TULP4: variants seen among roughly 807,000 people sequenced by gnomAD.
The protein encoded by TULP4 is tubby-related protein 4.
In TULP4, 16 loss-of-function variants were observed where a neutral mutation model predicts 129.0. The ratio of observed to expected loss-of-function variants is 0.12; its 90% CI spans 0.08 to 0.19. TULP4 has a LOEUF of 0.19. TULP4 is among the 10% of genes least tolerant of loss of function. TULP4 has a pLI of 1.00. For missense variants in TULP4, 1,842 were observed against 2,059.1 expected (o/e 0.89, Z 2.04); for synonymous variants, 998 against 854.0 (o/e 1.17, Z -2.94).
At chr6:158,478,922 C>G (rs1779877120) in intron 6 of TULP4, among the ~76,000 whole-genome samples, 1 of 152,140 alleles carries the variant, frequency 6.6e-6, no homozygotes, top group African/African-American at 2.4e-5. Context: ...TCCTCAATCG[C>G]CTTTCCAGGG....
rs898441723 is a variant in TULP4, at chr6:158,508,660, G to T, written c.*1966G>T. The T allele has an allele frequency of 1.3e-5, 2 of 152,540 alleles. No homozygotes were observed. Among genetic ancestry groups the T allele is most frequent in the African/African-American group, 2.4e-5 (1 of 41,400 alleles). The allele number at this position is 152,540 out of a possible 1,614,324, so 9.4% of individuals were successfully genotyped here. A position where few individuals can be genotyped will look rare whatever the true frequency, so the allele number is the denominator to read the frequency against. ...AGTGCTTATTGGTTGTGCAATAATGGTTATAGCCTGTTAGATAATCTAAAT... is the reference window on the plus strand; with the variant it reads ...AGTGCTTATTGGTTGTGCAATAATGTTTATAGCCTGTTAGATAATCTAAAT... On this transcript the variant is annotated 3_prime_UTR_variant, in exon 14 of 14. Transcript: ENST00000367097.
chr6:158,265,869 T>C (rs9348216), intron 1 of TULP4, among the ~76,000 whole-genome samples: 49,975 of 152,072 alleles, frequency 0.33, 9,205 homozygotes, highest in Admixed American at 0.45. Context: ...ATAAAACTTT[T>C]GTATTTCACT....
chr6:158,273,019 GT>G (rs1778577358), intron 1 of TULP4, among the ~76,000 whole-genome samples: 1 of 152,188 alleles, frequency 6.6e-6, no homozygotes, highest in South Asian at 2.1e-4. Flanking sequence ...GAAGGCCCTT[GT>G]TGAGGGACCT....
At chr6:158,478,704 A>G (rs557031699) in intron 6 of TULP4, among the ~76,000 whole-genome samples, 73 of 152,318 alleles carry the variant, frequency 4.8e-4, no homozygotes, top group Admixed American at 2.0e-3. Flanking sequence ...TCAGCGCTCC[A>G]TCTGTCTGGA....
At chr6:158,311,667 G>T (rs1017230900), upstream of TULP4, among the ~76,000 whole-genome samples, 1 of 152,166 alleles carries the variant, frequency 6.6e-6, no homozygotes, top group African/African-American at 2.4e-5. Flanking sequence ...AGTCATTTCA[G>T]TCTCCTTTTT....
chr6:158,409,204 T>G (rs1399526450), intron 1 of TULP4, among the ~76,000 whole-genome samples: 1 of 152,238 alleles, frequency 6.6e-6, no homozygotes, highest in African/African-American at 2.4e-5. Flanking sequence ...AATGTAGGCT[T>G]TCTGCAGTTC....
intron 1 of TULP4, among the ~76,000 whole-genome samples, chr6:158,236,629 G>C (rs564788826): frequency 5.5e-4 from 84 of 151,974 alleles, no homozygotes; most frequent in African/African-American, 1.9e-3. Context: ...AGTGGAACTT[G>C]AACAGAAAGA....
chr6:158,434,478 G>GC (rs1220344961), intron 3 of TULP4, among the ~76,000 whole-genome samples: 1 of 152,178 alleles, frequency 6.6e-6, no homozygotes, highest in Non-Finnish European at 1.5e-5. Flanking sequence ...GAGTAATGCT[G>GC]CAACAGTGAA....
At chr6:158,479,316 C>T (rs1779886636) in intron 6 of TULP4, among the ~76,000 whole-genome samples, 1 of 152,216 alleles carries the variant, frequency 6.6e-6, no homozygotes. Context: ...CTACCCAGAG[C>T]TCAGTTGGGT....
At chr6:158,421,449 A>G (rs144889032) in intron 2 of TULP4, among the ~76,000 whole-genome samples, 2 of 152,250 alleles carry the variant, frequency 1.3e-5, no homozygotes, top group African/African-American at 2.4e-5. Flanking sequence ...TGGTGAATTT[A>G]AATATTTTCT....
At chr6:158,362,055 A>G (rs765777179) in intron 1 of TULP4, among the ~76,000 whole-genome samples, 27 of 152,270 alleles carry the variant, frequency 1.8e-4, no homozygotes, top group Non-Finnish European at 3.4e-4. Flanking sequence ...CTTTTATTGG[A>G]TTCTACACAG....
chr6:158,506,545 TTTAA>T lies in TULP4; in HGVS notation c.4516-31_4516-28del. The T allele has an allele frequency of 4.1e-6, 6 of 1,456,842 alleles. No homozygotes were observed. The South Asian group carries it at 6.8e-5, about 17-fold the overall frequency. The allele number at this position is 1,456,842 out of a possible 1,614,324, so 90.2% of individuals were successfully genotyped here. ...TGCGCCTGGCCTTTTCACCTTATTC[TTTAA>T]TGTCTTTGCTTCCCCTGCCCTCCTC... is the stretch of plus-strand genomic sequence containing the variant. On this transcript the variant is annotated intron_variant, in intron 13 of 13. Coordinates refer to ENST00000367097, the MANE Select transcript of TULP4 (RefSeq NM_020245.5).
chr6:158,505,784 CTT>C, intron 13 of TULP4, among the ~76,000 whole-genome samples: 1 of 152,288 alleles, frequency 6.6e-6, no homozygotes, highest in South Asian at 2.1e-4. Flanking sequence ...GTTTGTGTTT[CTT>C]TCTGCTTTTC....
intron 1 of TULP4, among the ~76,000 whole-genome samples, chr6:158,274,441 CAAT>C (rs1447921215): frequency 1.3e-5 from 2 of 152,166 alleles, no homozygotes; most frequent in South Asian, 2.1e-4. Context: ...TTCCACACAA[CAAT>C]GTTGTTCCTG....
At chr6:158,268,143 C>G (rs1778484938) in intron 1 of TULP4, among the ~76,000 whole-genome samples, 2 of 148,668 alleles carry the variant, frequency 1.3e-5, no homozygotes, top group Admixed American at 1.4e-4. Context: ...TCAAGCGATT[C>G]TTCTGCCCCA....
At chr6:158,447,545 T>C (rs929506880) in intron 3 of TULP4, among the ~76,000 whole-genome samples, 1 of 152,200 alleles carries the variant, frequency 6.6e-6, no homozygotes, top group Non-Finnish European at 1.5e-5. Context: ...AGTATTTATA[T>C]CCTAAAATTG....
intron 1 of TULP4, among the ~76,000 whole-genome samples, chr6:158,362,835 G>GGAAGCC: frequency 4.6e-5 from 3 of 65,602 alleles, no homozygotes; most frequent in African/African-American, 1.6e-4. Flanking sequence ...CAGCACTTTG[G>GGAAGCC]GAGGTCAGGA....
At chr6:158,284,510 G>A (rs1224012297) in intron 1 of TULP4, among the ~76,000 whole-genome samples, 2 of 151,116 alleles carry the variant, frequency 1.3e-5, no homozygotes, top group South Asian at 2.1e-4. Flanking sequence ...GAAATGAGCC[G>A]CCGTGAATGA....
chr6:158,353,010 G>A (rs757378789), intron 1 of TULP4, among the ~76,000 whole-genome samples: 13 of 152,040 alleles, frequency 8.6e-5, no homozygotes, highest in South Asian at 2.1e-4. Context: ...TTTTTTATTC[G>A]AAGTAGGCAA....
Sources: allele counts gnomAD v4.1 joint callset (sites outside exome capture counted in the v4.1 genomes callset), GRCh38; gene constraint gnomAD v4.1.1; transcripts MANE v1.5; gene names NCBI Gene and HGNC (gene_info 2026-07-23, HGNC 2026-07-21).